The following EMSY variants were observed in gnomAD, a reference collection of about 807,000 sequenced individuals.
EMSY encodes the protein BRCA2-interacting transcriptional repressor EMSY.
A neutral mutation model predicts 134.6 loss-of-function variants in EMSY; 26 were observed. That is an observed-to-expected ratio of 0.19 (90% confidence interval 0.14 to 0.27). The LOEUF (loss-of-function observed/expected upper bound fraction) is 0.27. EMSY is among the 10% of genes least tolerant of loss of function. EMSY has a pLI of 1.00. For missense variants in EMSY, 1,305 were observed against 1,611.4 expected (o/e 0.81, Z 3.26); for synonymous variants, 579 against 577.8 (o/e 1.00, Z -0.03).
chr11:76,537,850 G>T, exon 16 of EMSY: 1 of 1,613,476 alleles, frequency 6.2e-7, no homozygotes, highest in East Asian at 2.2e-5. Context: ...TGAGTCAAAT[G>T]GCAGTGCCTA....
chr11:76,547,627 C>G (rs967657889), intron 20 of EMSY, among the ~76,000 whole-genome samples: 2 of 152,216 alleles, frequency 1.3e-5, no homozygotes, highest in Non-Finnish European at 2.9e-5. Flanking sequence ...TACACAAAAT[C>G]AAGCACCTAG....
chr11:76,527,039 C>T (rs1403393580), intron 13 of EMSY, among the ~76,000 whole-genome samples: 1 of 152,038 alleles, frequency 6.6e-6, no homozygotes, highest in Non-Finnish European at 1.5e-5. Flanking sequence ...TTTGCTTGAA[C>T]CCTTGAACAA....
intron 6 of EMSY, chr11:76,460,374 A>G (rs10751254): frequency 0.93 from 237,221 of 254,508 alleles, 111,477 homozygotes; most frequent in South Asian, 0.98. Flanking sequence ...AAATAGAAAT[A>G]TTGTGAATAG....
At chr11:76,546,146 G>A in exon 20 of EMSY, 1 of 1,614,196 alleles carries the variant, frequency 6.2e-7, no homozygotes, top group Non-Finnish European at 8.5e-7. Flanking sequence ...CAGAAATGTA[G>A]AGAGTCCTGT....
chr11:76,541,712 C>T (rs981962480), intron 17 of EMSY, among the ~76,000 whole-genome samples: 6 of 152,178 alleles, frequency 3.9e-5, no homozygotes, highest in Non-Finnish European at 8.8e-5. Context: ...GAGACAGAAT[C>T]ACTTAATACA....
At chr11:76,456,560 T>C (rs1565274061) in intron 4 of EMSY, among the ~76,000 whole-genome samples, 1 of 152,176 alleles carries the variant, frequency 6.6e-6, no homozygotes, top group Non-Finnish European at 1.5e-5. Context: ...GCTTTTAGAA[T>C]TTTTTCCTCT....
At chr11:76,496,559 C>T (rs1415712312) in intron 9 of EMSY, 90 bp downstream of exon 10, 1 of 1,427,662 alleles carries the variant, frequency 7.0e-7, no homozygotes, top group Non-Finnish European at 9.8e-7. Flanking sequence ...TATGTCTCTT[C>T]ATTTATTTAG....
At chr11:76,446,255 T>G (rs1269476642) in intron 1 of EMSY, among the ~76,000 whole-genome samples, 1 of 151,776 alleles carries the variant, frequency 6.6e-6, no homozygotes, top group Admixed American at 6.6e-5. Flanking sequence ...AATGGCTGTT[T>G]AATAACTACA....
At position 76,458,170 on chromosome 11, in the gene EMSY, C is replaced by T. The variant is rs760115304; in HGVS notation, c.246-13C>T. The T allele has an allele frequency of 6.3e-7, 1 of 1,589,214 alleles. No homozygotes were observed. Among genetic ancestry groups the T allele is most frequent in the East Asian group, 2.3e-5 (1 of 44,128 alleles). On this transcript the variant is annotated splice_polypyrimidine_tract_variant and intron_variant, in intron 4 of 20. Coordinates refer to ENST00000334736, the Ensembl canonical transcript of EMSY. The stretch of plus-strand genomic sequence containing the variant: ...TTGAAAACCCTTGTAGCAGCGCTTT[C>T]TTTTTTGTTTAGTATGTCTGGACCT...
exon 20 of EMSY, chr11:76,545,891 G>C (rs1363433260): frequency 6.2e-7 from 1 of 1,614,194 alleles, no homozygotes. Context: ...ACTGGTGGCA[G>C]TTCTGTGCCT....
At chr11:76,462,883 G>C (rs1948182249) in intron 6 of EMSY, among the ~76,000 whole-genome samples, 1 of 152,244 alleles carries the variant, frequency 6.6e-6, no homozygotes, top group Non-Finnish European at 1.5e-5. Flanking sequence ...TAGGCATGAT[G>C]AGATGTGAAA....
chr11:76,472,744 A>C (rs1280704803), exon 8 of EMSY: 1 of 1,614,126 alleles, frequency 6.2e-7, no homozygotes, highest in Non-Finnish European at 8.5e-7. Context: ...CAGCAGTGGC[A>C]GCAGCAGTTC....
rs1221166960 is a variant in EMSY, at chr11:76,474,794, C to A, written c.1108+1954C>A. Among the ~76,000 whole-genome samples, 3 of 152,136 alleles carry A rather than the reference C, an allele frequency of 2.0e-5. No homozygotes were observed. The South Asian group carries it at 6.2e-4, about 31-fold the overall frequency. Reference sequence around the variant, plus strand: ...ATATATATTTTTTGAGATAGAGTCTCCCTCTGTCGCCCAGGCTAGAGTGCA... The same window carrying A: ...ATATATATTTTTTGAGATAGAGTCTACCTCTGTCGCCCAGGCTAGAGTGCA... On this transcript the variant is annotated intron_variant, in intron 8 of 20. Transcript: ENST00000334736.
At chr11:76,529,399 G>A (rs940902357) in intron 14 of EMSY, among the ~76,000 whole-genome samples, 2 of 151,988 alleles carry the variant, frequency 1.3e-5, no homozygotes, top group Admixed American at 1.3e-4. Flanking sequence ...TAACTCTTTG[G>A]TGGAGTCTTC....
Position 76,451,844 on chromosome 11 carries a change from T to G in EMSY, c.71-14T>G, listed in dbSNP as rs1167490133. 1 of 1,532,766 alleles carries G rather than the reference T, an allele frequency of 6.5e-7. No homozygotes were observed. The allele number at this position is 1,532,766 out of a possible 1,614,324, so 94.9% of individuals were successfully genotyped here. ...TTAAAGGCCTATCTTGATAAAATAA[T>G]TTTCTTCTTTTAGAATTGGAGGCAT... On this transcript the variant is annotated splice_polypyrimidine_tract_variant and intron_variant, in intron 2 of 20. Coordinates refer to ENST00000334736, the Ensembl canonical transcript of EMSY.
chr11:76,488,291 C>T (rs1949272406), intron 8 of EMSY, among the ~76,000 whole-genome samples: 1 of 152,102 alleles, frequency 6.6e-6, no homozygotes, highest in African/African-American at 2.4e-5. Context: ...CGTAGCATGA[C>T]CTCATCTCTA....
Position 76,458,455 on chromosome 11 carries a change from C to A in EMSY, c.421+97C>A. ...GTCTTATTTTTCATCTACTTTTATT[C>A]TAGTGTTTAAAGGTTATGAAACATA... is the stretch of plus-strand genomic sequence containing the variant. On this transcript the variant is annotated intron_variant, in intron 5 of 20. Coordinates refer to ENST00000334736, the Ensembl canonical transcript of EMSY. 8.7e-6 allele frequency: 11 copies of A among 1,265,838 alleles called. No homozygotes were observed. In the South Asian group the frequency reaches 1.3e-4, roughly 15 times the overall value. The allele number at this position is 1,265,838 out of a possible 1,614,324, so 78.4% of individuals were successfully genotyped here. A position where few individuals can be genotyped will look rare whatever the true frequency, so the allele number is the denominator to read the frequency against.
rs1465002264 is a variant in EMSY at position 76,460,885 on chromosome 11, G to C, written c.571+800G>C. The C allele has an allele frequency of 2.0e-5, 3 of 152,224 alleles. No individual in the cohort carries two copies. The East Asian group carries it at 5.8e-4, about 29-fold the overall frequency. The allele number at this position is 152,224 out of a possible 1,614,324, so 9.4% of individuals were successfully genotyped here. On this transcript the variant is annotated intron_variant, in intron 6 of 20. Coordinates refer to ENST00000334736, the Ensembl canonical transcript of EMSY. ...CATGCCTGTAGTCCCAGCTACTCGG[G>C]AGGCCGAGACAGGAAAATTGCTTGA...
chr11:76,490,557 A>G (rs1321336597), intron 8 of EMSY, among the ~76,000 whole-genome samples: 3 of 152,224 alleles, frequency 2.0e-5, no homozygotes, highest in Admixed American at 6.5e-5. Context: ...GAATCTTAAA[A>G]GAGTACTTCT....
Sources: allele counts gnomAD v4.1 joint callset (sites outside exome capture counted in the v4.1 genomes callset), GRCh38; gene constraint gnomAD v4.1.1; transcripts MANE v1.5; gene names NCBI Gene and HGNC (gene_info 2026-07-23, HGNC 2026-07-21).